Variants in ZP2 observed in about 807,000 individuals in gnomAD.
ZP2 encodes zona pellucida sperm-binding protein 2.
ZP2 carries 51 observed loss-of-function variants against 84.0 expected under a neutral mutation model. The observed-to-expected ratio is 0.61, with a 90% CI of 0.49 to 0.77. ZP2 has a LOEUF of 0.77. Among genes scored for constraint, ZP2 ranks in the 30% least tolerant of loss-of-function variants. The probability of loss-of-function intolerance (pLI) is 0.00; values close to 1 mark genes in which losing one functional copy is unlikely to be tolerated. For missense variants in ZP2, 909 were observed against 911.9 expected (o/e 1.00, Z 0.04); for synonymous variants, 375 against 330.9 (o/e 1.13, Z -1.45).
intron 17 of ZP2, 68 bp from the exon 18 acceptor site, chr16:21,197,917 G>A (rs780197473): frequency 2.0e-6 from 3 of 1,492,364 alleles, no homozygotes; most frequent in Non-Finnish European, 2.8e-6. Flanking sequence ...GTCCCCTGAG[G>A]GTGTGATCCC....
At chr16:21,205,014 G>A (rs1053274652) in intron 7 of ZP2, among the ~76,000 whole-genome samples, 11 of 152,106 alleles carry the variant, frequency 7.2e-5, no homozygotes, top group African/African-American at 2.2e-4. Flanking sequence ...AAATGGTCTC[G>A]CTCTGTCGCC....
intron 16 of ZP2, among the ~76,000 whole-genome samples, chr16:21,199,125 G>A (rs990854960): frequency 2.0e-5 from 3 of 151,722 alleles, no homozygotes; most frequent in Non-Finnish European, 4.4e-5. Flanking sequence ...AGACCAGCCT[G>A]GCCTGGCCAA....
Position 21,205,726 on chromosome 16 carries a change from C to T in ZP2, c.528+5G>A. 1 of 1,614,012 alleles carries T rather than the reference C, an allele frequency of 6.2e-7. No homozygotes were observed. The highest frequency in any genetic ancestry group is 8.5e-7 in the Non-Finnish European group (1 of 1,179,976). On this transcript the variant is annotated splice_donor_5th_base_variant and intron_variant, in intron 6 of 18. Coordinates refer to ENST00000574091, the MANE Select transcript of ZP2 (RefSeq NM_001376232.1). Reference sequence around the variant, plus strand: ...AAGGTCTGATTTTTAAAATTTGCTTCATACCTTACTGTCGTCAGCCAAGCC... The same window carrying T: ...AAGGTCTGATTTTTAAAATTTGCTTTATACCTTACTGTCGTCAGCCAAGCC...
rs1378648173 is a variant in ZP2 at position 21,205,894 on chromosome 16, A to T, written c.484-119T>A. 6 of 928,296 alleles carry T rather than the reference A, an allele frequency of 6.5e-6. No individual in the cohort carries two copies. In the African/African-American group the frequency reaches 9.9e-5, roughly 15 times the overall value. 57.5% of individuals were successfully genotyped at this position (928,296 alleles called of 1,614,324 possible). On this transcript the variant is annotated intron_variant, in intron 5 of 18. Transcript: ENST00000574091. Reference sequence around the variant, plus strand: ...GGCCTGCTGTGGGATGCAGTGGAAGAAGCACATGAACCCTGACTGTGCCCT... The same window carrying T: ...GGCCTGCTGTGGGATGCAGTGGAAGTAGCACATGAACCCTGACTGTGCCCT...
chr16:21,198,049 A>G (rs2093207655), intron 17 of ZP2, 200 bp from the exon 18 acceptor site: 1 of 546,138 alleles, frequency 1.8e-6, no homozygotes, highest in East Asian at 3.0e-5. Context: ...CTTGCTAGAA[A>G]CATATCTTAA....
chr16:21,204,569 T>G (rs2093241163), intron 7 of ZP2, among the ~76,000 whole-genome samples, 165 bp from the exon 8 acceptor site: 1 of 152,202 alleles, frequency 6.6e-6, no homozygotes. Context: ...GGAGGTATAT[T>G]AGTTTTAACC....
At chr16:21,214,243 G>A (rs1460792688), upstream of ZP2, 1 of 985,226 alleles carries the variant, frequency 1.0e-6, no homozygotes, top group Non-Finnish European at 1.2e-6. Context: ...CAGACCTGTG[G>A]TGTGCTGGGG....
At position 21,205,535 on chromosome 16, in the gene ZP2, C is replaced by T. The variant is rs755951389; in HGVS notation, c.578G>A (p.Arg193Lys). The T allele has an allele frequency of 6.2e-7, 1 of 1,614,096 alleles. No individual in the cohort carries two copies. Among genetic ancestry groups the T allele is most frequent in the Non-Finnish European group, 8.5e-7 (1 of 1,180,006 alleles). The change falls in exon 7 of 19, where the codon AGA becomes AAA. Residue 193 changes from arginine (R) to lysine (K), a missense_variant. Physicochemically the swap from Arg to Lys is conservative, Grantham distance 26 (BLOSUM62 2). Coordinates refer to ENST00000574091, the MANE Select transcript of ZP2 (RefSeq NM_001376232.1). ...GWSIEVGDGA[R>K]AKTLTLPEAM... ...CTCTGGCAGGGTCAGAGTTTTGGCT[C>T]TTGCACCATCACCAACCTCAATGCT...
rs779048687 is a variant in ZP2 at position 21,197,763 on chromosome 16, T to C, written c.2095+3A>G. ...AGAAGTTTGCAACATTGAATAAACT[T>C]ACCTCGTGAGCCAACCTCCTCCCCT... On this transcript the variant is annotated splice_donor_region_variant and intron_variant, in intron 18 of 18. Transcript: ENST00000574091. The C allele has an allele frequency of 1.9e-6, 3 of 1,614,006 alleles. No homozygotes were observed. The African/African-American group carries it at 4.0e-5, about 22-fold the overall frequency.
Position 21,199,818 on chromosome 16 carries a change from G to A in ZP2, c.1755C>T (p.Thr585=). Reference sequence around the variant, plus strand: ...CAAACCTCTGATAGTGATCAGGATGGGTCACAGAGGAGCCGACTGGATGGA... The same window carrying A: ...CAAACCTCTGATAGTGATCAGGATGAGTCACAGAGGAGCCGACTGGATGGA... ...TTFHPVGSSV[T]HPDHYQRFDM... The change falls in exon 15 of 19, where the codon ACC becomes ACT. Residue 585 remains threonine (T), a synonymous_variant. Coordinates refer to ENST00000574091, the MANE Select transcript of ZP2 (RefSeq NM_001376232.1). 2 of 1,613,780 alleles carry A rather than the reference G, an allele frequency of 1.2e-6. No individual in the cohort carries two copies. Among genetic ancestry groups the A allele is most frequent in the Non-Finnish European group, 1.7e-6 (2 of 1,180,016 alleles).
intron 14 of ZP2, 83 bp downstream of exon 14, chr16:21,201,286 C>T (rs986308717): frequency 2.3e-6 from 3 of 1,285,460 alleles, no homozygotes; most frequent in Non-Finnish European, 3.2e-6. Context: ...GAATGCTGCT[C>T]TAAAGCCCAA....
upstream of ZP2, chr16:21,214,103 A>G (rs186818675): frequency 7.2e-5 from 29 of 403,038 alleles, no homozygotes; most frequent in African/African-American, 6.1e-4. Context: ...AGAGCCCCCA[A>G]ATTTGGGGTT....
chr16:21,205,688 A>G, intron 6 of ZP2, 43 bp downstream of exon 6: 1 of 1,612,612 alleles, frequency 6.2e-7, no homozygotes, highest in South Asian at 1.1e-5. Context: ...TTAACATAGA[A>G]TTAAAGGTTA....
intron 4 of ZP2, among the ~76,000 whole-genome samples, chr16:21,207,621 CTA>C (rs948044068): frequency 6.7e-6 from 1 of 148,956 alleles, no homozygotes; most frequent in Non-Finnish European, 1.5e-5. Context: ...GACTCCATCT[CTA>C]TATATATATT....
Position 21,205,563 on chromosome 16 carries a change from A to T in ZP2, c.550T>A (p.Trp184Arg), listed in dbSNP as rs2093245806. Residue 184 changes from tryptophan to arginine, a missense_variant, in exon 7 of 19, where the codon TGG becomes AGG. Physicochemically the swap from Trp to Arg is moderately radical, Grantham distance 101 (BLOSUM62 -3). Transcript: ENST00000574091. ...DSKGTKVQMG[W>R]SIEVGDGARA... The stretch of plus-strand genomic sequence containing the variant: ...GCACCATCACCAACCTCAATGCTCC[A>T]TCCCATCTGAACTTTGGTCCCCTGA... 1 of 1,613,956 alleles carries T rather than the reference A, an allele frequency of 6.2e-7. No homozygotes were observed. Among genetic ancestry groups the T allele is most frequent in the Admixed American group, 1.7e-5 (1 of 59,984 alleles).
chr16:21,201,019 C>T (rs776163480), intron 14 of ZP2, among the ~76,000 whole-genome samples: 1 of 151,986 alleles, frequency 6.6e-6, no homozygotes, highest in Non-Finnish European at 1.5e-5. Flanking sequence ...GCCAACATGG[C>T]AAAACCCTGT....
chr16:21,211,410 G>A lies in ZP2; in HGVS notation c.63-15C>T. 1 of 1,614,158 alleles carries A rather than the reference G, an allele frequency of 6.2e-7. No homozygotes were observed. The highest frequency in any genetic ancestry group is 8.5e-7 in the Non-Finnish European group (1 of 1,180,002). On this transcript the variant is annotated splice_polypyrimidine_tract_variant and intron_variant, in intron 1 of 18. Coordinates refer to ENST00000574091, the MANE Select transcript of ZP2 (RefSeq NM_001376232.1). ...ACCTGTAGGTGCTGGAAAGAGACAG[G>A]GAGATAGTCAAGGAAGAATGGACTT...
At chr16:21,200,160 A>G (rs1310318483) in intron 14 of ZP2, among the ~76,000 whole-genome samples, 1 of 152,180 alleles carries the variant, frequency 6.6e-6, no homozygotes, top group African/African-American at 2.4e-5. Flanking sequence ...TTTCTTGGCC[A>G]GGTGCAGTAG....
intron 18 of ZP2, 71 bp from the exon 19 acceptor site, chr16:21,197,693 T>TC: frequency 6.2e-7 from 1 of 1,612,276 alleles, no homozygotes; most frequent in East Asian, 2.2e-5. Context: ...TACATAAGGC[T>TC]CCCCAGAGAA....
Sources: allele counts gnomAD v4.1 joint callset (sites outside exome capture counted in the v4.1 genomes callset), GRCh38; gene constraint gnomAD v4.1.1; transcripts MANE v1.5; gene names NCBI Gene and HGNC (gene_info 2026-07-23, HGNC 2026-07-21).